The following TBC1D4 variants were observed in gnomAD, a reference collection of about 807,000 sequenced individuals.
The protein encoded by TBC1D4 is TBC (Tre-2, BUB2, CDC16) domain-containing protein.
TBC1D4 carries 121 observed loss-of-function variants against 142.5 expected under a neutral mutation model. The observed-to-expected ratio is 0.85, with a 90% CI of 0.73 to 0.99. The LOEUF (loss-of-function observed/expected upper bound fraction) is 0.99, where lower values mean the gene tolerates loss of function less well. TBC1D4 is among the 50% of genes least tolerant of loss of function. The pLI is 0.00. For missense variants in TBC1D4, 1,475 were observed against 1,606.6 expected (o/e 0.92, Z 1.40); for synonymous variants, 630 against 628.2 (o/e 1.00, Z -0.04).
At position 75,481,957 on chromosome 13, in the gene TBC1D4, G is replaced by A; in HGVS notation, c.-190C>T. The A allele has an allele frequency of 3.6e-6, 3 of 824,476 alleles. No homozygotes were observed. Among genetic ancestry groups the A allele is most frequent in the Non-Finnish European group, 4.9e-6 (3 of 613,532 alleles). The allele number at this position is 824,476 out of a possible 1,614,324, so 51.1% of individuals were successfully genotyped here. A position where few individuals can be genotyped will look rare whatever the true frequency, so the allele number is the denominator to read the frequency against. The stretch of plus-strand genomic sequence containing the variant: ...TGCAGCACTTCCACGGGCGCGGCTC[G>A]GAGGCTCCGGCGGCGGGCACCGAGG... On this transcript the variant is annotated 5_prime_UTR_variant, in exon 1 of 21. Transcript: ENST00000377636.
At chr13:75,341,026 T>A in intron 7 of TBC1D4, 99 bp downstream of exon 7, 1 of 1,008,724 alleles carries the variant, frequency 9.9e-7, no homozygotes, top group South Asian at 1.3e-5. Flanking sequence ...GAAACTCTGA[T>A]AGGACTTTAG....
At position 75,292,090 on chromosome 13, in the gene TBC1D4, T is replaced by C; in HGVS notation, c.3486+12A>G. ...AAACTGCTATATAATACTATTAGCA[T>C]TTAAATCATACCTGGGTAATAATTT... On this transcript the variant is annotated intron_variant, in intron 19 of 20. Coordinates refer to ENST00000377636, the MANE Select transcript of TBC1D4 (RefSeq NM_014832.5). 6.2e-7 allele frequency: 1 copy of C among 1,605,438 alleles called. No homozygotes were observed. Among genetic ancestry groups the C allele is most frequent in the Non-Finnish European group, 8.5e-7 (1 of 1,174,318 alleles).
At chr13:75,363,176 C>T (rs55637365) in intron 1 of TBC1D4, among the ~76,000 whole-genome samples, 70,757 of 151,960 alleles carry the variant, frequency 0.47, 17,567 homozygotes, top group South Asian at 0.72. Flanking sequence ...TAAAATGACA[C>T]ACCACTCTAG....
At chr13:75,369,633 T>C (rs973040349) in intron 1 of TBC1D4, among the ~76,000 whole-genome samples, 8 of 152,186 alleles carry the variant, frequency 5.3e-5, no homozygotes, top group Admixed American at 5.2e-4. Flanking sequence ...CCAGTATCTA[T>C]GTTTATCTAC....
At chr13:75,454,740 C>A (rs571380741) in intron 1 of TBC1D4, among the ~76,000 whole-genome samples, 7 of 152,180 alleles carry the variant, frequency 4.6e-5, no homozygotes, top group Non-Finnish European at 1.0e-4. Flanking sequence ...GAGATACTAA[C>A]AAGCAAGACC....
At chr13:75,468,703 G>A (rs1888268518) in intron 1 of TBC1D4, among the ~76,000 whole-genome samples, 1 of 152,194 alleles carries the variant, frequency 6.6e-6, no homozygotes, top group Non-Finnish European at 1.5e-5. Flanking sequence ...TAAACATGAT[G>A]AAAACTAAAG....
At chr13:75,334,119 A>G (rs921107801) in intron 8 of TBC1D4, among the ~76,000 whole-genome samples, 9 of 152,206 alleles carry the variant, frequency 5.9e-5, no homozygotes, top group Non-Finnish European at 1.2e-4. Flanking sequence ...TATCTTATTT[A>G]TGATAAAACT....
At chr13:75,460,710 CAA>C (rs972612538) in intron 1 of TBC1D4, among the ~76,000 whole-genome samples, 2 of 151,964 alleles carry the variant, frequency 1.3e-5, no homozygotes, top group Non-Finnish European at 1.5e-5. Flanking sequence ...CGCTTGATCC[CAA>C]GAGTTCAACA....
chr13:75,387,064 T>G (rs539014625), intron 1 of TBC1D4, among the ~76,000 whole-genome samples: 24 of 152,192 alleles, frequency 1.6e-4, no homozygotes, highest in African/African-American at 5.8e-4. Context: ...CTGAGAAAAT[T>G]TAAAATATTT....
chr13:75,445,139 T>C (rs1283674160), intron 1 of TBC1D4, among the ~76,000 whole-genome samples: 1 of 152,184 alleles, frequency 6.6e-6, no homozygotes, highest in Non-Finnish European at 1.5e-5. Flanking sequence ...AACTGGAATT[T>C]TCTAATAATA....
chr13:75,448,000 T>C (rs550402285), intron 1 of TBC1D4, among the ~76,000 whole-genome samples: 2 of 152,224 alleles, frequency 1.3e-5, no homozygotes, highest in Admixed American at 6.5e-5. Context: ...ATAATAGAAA[T>C]AAAGTGCACA....
At chr13:75,420,047 G>A (rs780040392) in intron 1 of TBC1D4, among the ~76,000 whole-genome samples, 30 of 152,182 alleles carry the variant, frequency 2.0e-4, no homozygotes, top group Non-Finnish European at 3.4e-4. Flanking sequence ...CAAAGGAAGA[G>A]GAGAGGGAGG....
chr13:75,331,870 T>C (rs1879776190), intron 8 of TBC1D4, among the ~76,000 whole-genome samples: 1 of 151,470 alleles, frequency 6.6e-6, no homozygotes, highest in African/African-American at 2.4e-5. Context: ...AGACAAGTTT[T>C]AGAAGTATAC....
At chr13:75,416,649 T>A (rs982296365) in intron 1 of TBC1D4, among the ~76,000 whole-genome samples, 1 of 152,216 alleles carries the variant, frequency 6.6e-6, no homozygotes, top group African/African-American at 2.4e-5. Flanking sequence ...TCAGGCTACA[T>A]CTTATGCCAG....
chr13:75,454,770 C>T (rs969990600), intron 1 of TBC1D4, among the ~76,000 whole-genome samples: 1 of 152,116 alleles, frequency 6.6e-6, no homozygotes, highest in African/African-American at 2.4e-5. Flanking sequence ...CACACAAATC[C>T]CCAGTCCTTT....
chr13:75,343,821 TTTTTA>T (rs1056838988), intron 5 of TBC1D4, among the ~76,000 whole-genome samples: 8 of 149,412 alleles, frequency 5.4e-5, no homozygotes, highest in African/African-American at 2.0e-4. Flanking sequence ...TTTGTGTTTA[TTTTTA>T]TTTTATTTTA....
At chr13:75,344,704 CAGTA>C (rs1386243744) in intron 5 of TBC1D4, among the ~76,000 whole-genome samples, 1 of 152,128 alleles carries the variant, frequency 6.6e-6, no homozygotes, top group Non-Finnish European at 1.5e-5. Context: ...CTGGGATAAA[CAGTA>C]AGAGTGAACA....
At chr13:75,400,745 C>T (rs1885051308) in intron 1 of TBC1D4, among the ~76,000 whole-genome samples, 1 of 152,004 alleles carries the variant, frequency 6.6e-6, no homozygotes, top group South Asian at 2.1e-4. Flanking sequence ...GGATTACAGG[C>T]ATGAGCCACC....
chr13:75,409,199 A>T (rs941195262), intron 1 of TBC1D4, among the ~76,000 whole-genome samples: 20 of 152,198 alleles, frequency 1.3e-4, no homozygotes, highest in African/African-American at 4.8e-4. Context: ...GTGGGTTTTT[A>T]AAAAGGCTAG....
Sources: allele counts gnomAD v4.1 joint callset (sites outside exome capture counted in the v4.1 genomes callset), GRCh38; gene constraint gnomAD v4.1.1; transcripts MANE v1.5; gene names NCBI Gene and HGNC (gene_info 2026-07-23, HGNC 2026-07-21).